Variants in CLIC4 observed in about 807,000 individuals in gnomAD.
CLIC4 encodes CLIC family member 4, also known as chloride intracellular channel protein 4.
In CLIC4, 13 loss-of-function variants were observed where a neutral mutation model predicts 24.6. The observed-to-expected ratio is 0.53, with a 90% CI of 0.34 to 0.84. The LOEUF is 0.84. Ranked by LOEUF, CLIC4 falls within the 40% of genes least tolerant of loss-of-function variation. The pLI is 0.01. For synonymous variants in CLIC4, 104 were observed against 111.3 expected, an observed-to-expected ratio of 0.93 and a Z score of 0.41; for missense variants, 227 against 301.7, an observed-to-expected ratio of 0.75 and a Z score of 1.83.
chr1:24,774,596 C>T (rs1639108931), intron 1 of CLIC4, among the ~76,000 whole-genome samples: 1 of 151,666 alleles, frequency 6.6e-6, no homozygotes. Context: ...AGTTCGAGAC[C>T]ATCTTGGGCA....
chr1:24,746,568 CTT>C (rs1023970312), intron 1 of CLIC4, among the ~76,000 whole-genome samples: 177 of 152,246 alleles, frequency 1.2e-3, no homozygotes, highest in African/African-American at 4.0e-3. Flanking sequence ...AAAAAAAACA[CTT>C]TGAGCTTCTT....
In CLIC4 at chr1:24,839,934, G is replaced by A. The variant is rs1639925541; in HGVS notation, c.490G>A (p.Asp164Asn). 6.2e-7 allele frequency: 1 copy of A among 1,613,474 alleles called. No homozygotes were observed. Among genetic ancestry groups the A allele is most frequent in the Non-Finnish European group, 8.5e-7 (1 of 1,179,968 alleles). Reference sequence around the variant, plus strand: ...GAATTCTCCTCTCCCTGATGAAATTGATGAAAATAGTATGGAGGACATAAA... The same window carrying A: ...GAATTCTCCTCTCCCTGATGAAATTAATGAAAATAGTATGGAGGACATAAA... ...YLNSPLPDEI[D>N]ENSMEDIKFS... The change falls in exon 5 of 6, where the codon GAT becomes AAT. Residue 164 changes from aspartate to asparagine, a missense_variant. Coordinates refer to ENST00000374379, the MANE Select transcript of CLIC4 (RefSeq NM_013943.3).
intron 1 of CLIC4, among the ~76,000 whole-genome samples, chr1:24,772,599 C>T (rs1557798711): frequency 6.6e-6 from 1 of 152,062 alleles, no homozygotes; most frequent in Admixed American, 6.6e-5. Context: ...GATTCTCCTG[C>T]CTCAGCCTCC....
intron 1 of CLIC4, among the ~76,000 whole-genome samples, chr1:24,785,174 C>T (rs562941542): frequency 4.7e-5 from 7 of 148,864 alleles, no homozygotes; most frequent in Non-Finnish European, 1.0e-4. Flanking sequence ...CCCTTCTCTC[C>T]TTGTTTTCCA....
At chr1:24,746,965 G>A (rs1272709498) in intron 1 of CLIC4, among the ~76,000 whole-genome samples, 1 of 152,138 alleles carries the variant, frequency 6.6e-6, no homozygotes, top group African/African-American at 2.4e-5. Flanking sequence ...TCCAGCCTGG[G>A]CGACAGAGCA....
chr1:24,839,239 T>C (rs1639914945), intron 4 of CLIC4, among the ~76,000 whole-genome samples: 1 of 152,196 alleles, frequency 6.6e-6, no homozygotes, highest in Non-Finnish European at 1.5e-5. Flanking sequence ...TTCTCATCCA[T>C]TTTTCCAGTT....
chr1:24,771,579 G>A (rs572638159), intron 1 of CLIC4, among the ~76,000 whole-genome samples: 1 of 151,974 alleles, frequency 6.6e-6, no homozygotes, highest in Non-Finnish European at 1.5e-5. Flanking sequence ...CATTAATTCA[G>A]TAAGCATTTA....
At chr1:24,781,824 G>T (rs112737279) in intron 1 of CLIC4, among the ~76,000 whole-genome samples, 3,085 of 151,348 alleles carry the variant, frequency 0.02, 98 homozygotes, top group African/African-American at 0.071. Context: ...CTAATTTTTT[G>T]TATTTTTAGT....
At chr1:24,813,997 GC>G in intron 2 of CLIC4, 96 bp from the exon 3 acceptor site, 2 of 1,445,350 alleles carry the variant, frequency 1.4e-6, no homozygotes. Context: ...GACTACAGAC[GC>G]AAGCCACCGT....
intron 1 of CLIC4, among the ~76,000 whole-genome samples, chr1:24,762,426 AAAACAAG>A (rs1638939525): frequency 6.6e-6 from 1 of 152,182 alleles, no homozygotes; most frequent in African/African-American, 2.4e-5. Flanking sequence ...TCTAAAGAAA[AAAACAAG>A]TGTATGAGAT....
chr1:24,818,306 A>G (rs1042925008), intron 3 of CLIC4, among the ~76,000 whole-genome samples: 5 of 151,968 alleles, frequency 3.3e-5, no homozygotes, highest in Admixed American at 3.3e-4. Context: ...GTTTTTTTTG[A>G]GACAGAGGCT....
intron 4 of CLIC4, among the ~76,000 whole-genome samples, chr1:24,828,149 C>T (rs1158841751): frequency 6.6e-6 from 1 of 152,130 alleles, no homozygotes; most frequent in Non-Finnish European, 1.5e-5. Context: ...TATGTTATTT[C>T]AGTACTATTA....
chr1:24,779,534 T>G lies in CLIC4; in HGVS notation c.73-18208T>G, dbSNP rs564703774. 7.2e-5 allele frequency among the ~76,000 whole-genome samples: 11 copies of G among 152,260 alleles called. No homozygotes were observed. The South Asian group carries it at 2.3e-3, about 32-fold the overall frequency. On this transcript the variant is annotated intron_variant, in intron 1 of 5. Coordinates refer to ENST00000374379, the MANE Select transcript of CLIC4 (RefSeq NM_013943.3). ...CCCAGATCTGTCCCGAGGTAAACAATGTTAATTTTGGTTTATAGCCCTCCA... is the reference window on the plus strand; with the variant it reads ...CCCAGATCTGTCCCGAGGTAAACAAGGTTAATTTTGGTTTATAGCCCTCCA...
chr1:24,784,482 G>A (rs950979062), intron 1 of CLIC4, among the ~76,000 whole-genome samples: 1 of 152,170 alleles, frequency 6.6e-6, no homozygotes, highest in African/African-American at 2.4e-5. Context: ...TGTTTTGGAC[G>A]AGCAGAGAGA....
chr1:24,838,028 C>G (rs1639903082), intron 4 of CLIC4, among the ~76,000 whole-genome samples: 1 of 152,132 alleles, frequency 6.6e-6, no homozygotes, highest in African/African-American at 2.4e-5. Context: ...TATTGGACAT[C>G]TCTACTCACA....
At chr1:24,753,655 A>T (rs1638806891) in intron 1 of CLIC4, among the ~76,000 whole-genome samples, 1 of 152,248 alleles carries the variant, frequency 6.6e-6, no homozygotes, top group Admixed American at 6.5e-5. Flanking sequence ...GTTATTTAAA[A>T]GTTGAGGATG....
intron 4 of CLIC4, among the ~76,000 whole-genome samples, chr1:24,828,349 A>G (rs1213189613): frequency 6.6e-6 from 1 of 151,532 alleles, no homozygotes; most frequent in Non-Finnish European, 1.5e-5. Flanking sequence ...TTTGGAAGCA[A>G]TTTTCTTTAG....
chr1:24,828,694 T>A (rs4606258), intron 4 of CLIC4, among the ~76,000 whole-genome samples: 1 of 87,202 alleles, frequency 1.1e-5, no homozygotes, highest in Non-Finnish European at 2.7e-5. Flanking sequence ...TGGGGCGGGG[T>A]GGGGGTGGGG....
intron 1 of CLIC4, among the ~76,000 whole-genome samples, chr1:24,761,689 A>G (rs1475843406): frequency 6.6e-6 from 1 of 152,144 alleles, no homozygotes; most frequent in Non-Finnish European, 1.5e-5. Context: ...TCTGTGGAAA[A>G]TGAATTTAAG....
Sources: allele counts gnomAD v4.1 joint callset (sites outside exome capture counted in the v4.1 genomes callset), GRCh38; gene constraint gnomAD v4.1.1; transcripts MANE v1.5; gene names NCBI Gene and HGNC (gene_info 2026-07-23, HGNC 2026-07-21).